ZBTB7C: variants seen among roughly 807,000 people sequenced by gnomAD.
ZBTB7C encodes the protein zinc finger and BTB domain-containing protein 7C.
Under a neutral mutation model 25.7 loss-of-function variants are expected in ZBTB7C, and 8 were observed. The observed-to-expected ratio is 0.31, with a 90% CI of 0.18 to 0.56. The LOEUF is 0.56. Among genes scored for constraint, ZBTB7C ranks in the 20% least tolerant of loss-of-function variants. The pLI is 0.91. For missense variants in ZBTB7C, 824 were observed against 855.2 expected, an observed-to-expected ratio of 0.96 and a Z score of 0.46; for synonymous variants, 394 against 369.0, an observed-to-expected ratio of 1.07 and a Z score of -0.78.
chr18:48,218,088 G>A (rs975791516), intron 2 of ZBTB7C, among the ~76,000 whole-genome samples: 1 of 152,154 alleles, frequency 6.6e-6, no homozygotes, highest in African/African-American at 2.4e-5. Flanking sequence ...AGTCCAGGGT[G>A]CCTGGTTCAA....
At chr18:48,384,810 T>C (rs775938051) in intron 1 of ZBTB7C, among the ~76,000 whole-genome samples, 4 of 152,122 alleles carry the variant, frequency 2.6e-5, no homozygotes, top group Non-Finnish European at 4.4e-5. Context: ...GCCTCCCGAA[T>C]AGCCAGGTTT....
chr18:48,213,486 T>C (rs4940334), intron 2 of ZBTB7C, among the ~76,000 whole-genome samples: 145,562 of 152,302 alleles, frequency 0.96, 69,735 homozygotes, highest in East Asian at 0.99. Flanking sequence ...CTCCTGTGCG[T>C]GCTAGAGATT....
intron 2 of ZBTB7C, among the ~76,000 whole-genome samples, chr18:48,256,131 A>T (rs11520431): frequency 0.013 from 1,929 of 150,682 alleles, 17 homozygotes; most frequent in South Asian, 0.039. Flanking sequence ...CTTTATTTTT[A>T]AAAAAAACTA....
At chr18:48,036,661 A>G (rs753481682) in intron 4 of ZBTB7C, among the ~76,000 whole-genome samples, 1 of 152,196 alleles carries the variant, frequency 6.6e-6, no homozygotes, top group Non-Finnish European at 1.5e-5. Flanking sequence ...CTGCGGGGAC[A>G]AGAGTGACAT....
chr18:48,103,091 A>G (rs1285734100), intron 3 of ZBTB7C, among the ~76,000 whole-genome samples: 1 of 128,234 alleles, frequency 7.8e-6, no homozygotes, highest in Non-Finnish European at 1.7e-5. Context: ...TATATATCTT[A>G]TATATATTAT....
chr18:48,119,672 G>T (rs1216191558), intron 3 of ZBTB7C, among the ~76,000 whole-genome samples: 1 of 152,164 alleles, frequency 6.6e-6, no homozygotes, highest in African/African-American at 2.4e-5. Context: ...CTCCTGGTGG[G>T]CCCAGACAGC....
At position 48,041,082 on chromosome 18, in the gene ZBTB7C, A is replaced by G. The variant is rs754544282; in HGVS notation, c.26T>C (p.Ile9Thr). MANDIDEL[I>T]GIPFPNHSSE... ...GCTGTGGTTGGGGAAGGGAATGCCA[A>G]TGAGCTCATCAATGTCATTGGCCAT... Residue 9 changes from isoleucine (I) to threonine (T), a missense_variant, in exon 4 of 5, where the codon ATT becomes ACT. Ile to Thr is a moderately conservative substitution (Grantham distance 89, BLOSUM62 -1). This residue lies in a region of ZBTB7C where 117 missense variants were observed against 167.7 expected (regional missense o/e 0.70). Transcript: ENST00000590800. 19 of 1,606,236 alleles carry G rather than the reference A, an allele frequency of 1.2e-5. No homozygotes were observed. Among genetic ancestry groups the G allele is most frequent in the Non-Finnish European group, 1.6e-5 (19 of 1,174,586 alleles).
chr18:48,284,568 T>TG (rs1330686875), intron 2 of ZBTB7C, among the ~76,000 whole-genome samples: 3 of 151,908 alleles, frequency 2.0e-5, no homozygotes, highest in Admixed American at 2.0e-4. Flanking sequence ...CTGAGGTGGG[T>TG]GGATTACTTG....
At chr18:48,313,176 C>T (rs2045862627) in intron 2 of ZBTB7C, among the ~76,000 whole-genome samples, 1 of 152,228 alleles carries the variant, frequency 6.6e-6, no homozygotes, top group African/African-American at 2.4e-5. Context: ...AATGCATGGA[C>T]TCAAAGCTAG....
intron 1 of ZBTB7C, among the ~76,000 whole-genome samples, chr18:48,389,890 T>G (rs954628831): frequency 2.6e-5 from 4 of 152,224 alleles, no homozygotes; most frequent in Non-Finnish European, 4.4e-5. Context: ...GAATTATCTA[T>G]TTGTGGGTTT....
chr18:48,134,251 A>G (rs2040078482), intron 3 of ZBTB7C, among the ~76,000 whole-genome samples: 1 of 152,206 alleles, frequency 6.6e-6, no homozygotes, highest in Non-Finnish European at 1.5e-5. Flanking sequence ...CAAAAGTGAT[A>G]GTTAATTTTA....
chr18:48,332,816 C>T (rs1461878668), intron 2 of ZBTB7C, among the ~76,000 whole-genome samples: 1 of 151,834 alleles, frequency 6.6e-6, no homozygotes. Flanking sequence ...CAGTCCATGG[C>T]TTCCTCCCCT....
chr18:48,265,839 C>T (rs1032868691), intron 2 of ZBTB7C, among the ~76,000 whole-genome samples: 1 of 152,214 alleles, frequency 6.6e-6, no homozygotes, highest in Non-Finnish European at 1.5e-5. Context: ...TGTCAACTTG[C>T]TGTACCATGT....
chr18:48,240,666 A>AAT, intron 2 of ZBTB7C, among the ~76,000 whole-genome samples: 1 of 152,344 alleles, frequency 6.6e-6, no homozygotes, highest in East Asian at 1.9e-4. Flanking sequence ...CACCACTCCA[A>AAT]GCCAGCACTA....
At chr18:48,378,275 T>C (rs2047565557) in intron 1 of ZBTB7C, among the ~76,000 whole-genome samples, 1 of 152,164 alleles carries the variant, frequency 6.6e-6, no homozygotes, top group Non-Finnish European at 1.5e-5. Flanking sequence ...CTTTCTGGAC[T>C]GGGAAACACC....
intron 3 of ZBTB7C, among the ~76,000 whole-genome samples, chr18:48,063,816 T>C (rs2037215855): frequency 6.6e-6 from 1 of 152,164 alleles, no homozygotes; most frequent in East Asian, 1.9e-4. Context: ...GCGTCCATGG[T>C]AGAAATCATG....
intron 3 of ZBTB7C, among the ~76,000 whole-genome samples, chr18:48,062,223 T>C (rs1383694175): frequency 6.6e-6 from 1 of 152,204 alleles, no homozygotes; most frequent in African/African-American, 2.4e-5. Flanking sequence ...TTGTGAAACA[T>C]GCCATTGTGT....
intron 2 of ZBTB7C, among the ~76,000 whole-genome samples, chr18:48,214,600 G>A (rs531015397): frequency 6.6e-6 from 1 of 152,280 alleles, no homozygotes; most frequent in East Asian, 1.9e-4. Flanking sequence ...GCATGCTAAA[G>A]GAAACTCCCA....
At chr18:48,193,562 A>G (rs1283379721) in intron 2 of ZBTB7C, among the ~76,000 whole-genome samples, 2 of 152,222 alleles carry the variant, frequency 1.3e-5, no homozygotes, top group Non-Finnish European at 2.9e-5. Context: ...GGTGGAAGGA[A>G]CACGCCATAG....
Sources: allele counts gnomAD v4.1 joint callset (sites outside exome capture counted in the v4.1 genomes callset), GRCh38; gene constraint gnomAD v4.1.1; regional missense constraint gnomAD v4.1.1; transcripts MANE v1.5; gene names NCBI Gene and HGNC (gene_info 2026-07-23, HGNC 2026-07-21).